The following AGBL4 variants were observed in gnomAD, a reference collection of about 807,000 sequenced individuals.
AGBL4 encodes AGBL carboxypeptidase 4.
AGBL4 carries 58 observed loss-of-function variants against 66.4 expected under a neutral mutation model. The ratio of observed to expected loss-of-function variants is 0.87; its 90% confidence interval spans 0.71 to 1.09. The LOEUF is 1.09. Among genes scored for constraint, AGBL4 ranks in the 50% least tolerant of loss-of-function variants. The pLI is 0.00. For missense variants in AGBL4, 579 were observed against 631.0 expected, an observed-to-expected ratio of 0.92 and a Z score of 0.88; for synonymous variants, 234 against 222.9, an observed-to-expected ratio of 1.05 and a Z score of -0.44.
At chr1:49,815,751 T>C (rs1223938592) in intron 2 of AGBL4, among the ~76,000 whole-genome samples, 1 of 152,188 alleles carries the variant, frequency 6.6e-6, no homozygotes, top group African/African-American at 2.4e-5. Flanking sequence ...TTGCTTTGCA[T>C]TTCTCTGATG....
intron 4 of AGBL4, among the ~76,000 whole-genome samples, chr1:49,106,860 A>G (rs1645302157): frequency 1.3e-5 from 2 of 152,196 alleles, no homozygotes; most frequent in Non-Finnish European, 2.9e-5. Flanking sequence ...AACCAAGAAC[A>G]ACTTTACTAG....
intron 3 of AGBL4, among the ~76,000 whole-genome samples, chr1:49,529,981 G>C (rs77641673): frequency 0.018 from 2,767 of 151,868 alleles, 48 homozygotes; most frequent in Non-Finnish European, 0.031. Context: ...GGAAAACAGG[G>C]TTAGGTCATC....
chr1:49,466,289 C>G (rs906096469), intron 3 of AGBL4, among the ~76,000 whole-genome samples: 7 of 151,844 alleles, frequency 4.6e-5, no homozygotes, highest in Non-Finnish European at 7.4e-5. Flanking sequence ...ATAGGCAGTA[C>G]AGAAAACAGA....
At chr1:49,534,708 C>T (rs143694100) in intron 3 of AGBL4, among the ~76,000 whole-genome samples, 1 of 152,204 alleles carries the variant, frequency 6.6e-6, no homozygotes, top group Non-Finnish European at 1.5e-5. Context: ...AGAGGAGGCT[C>T]TTGCAAGGGT....
At chr1:49,360,508 CATG>C (rs1644114950) in intron 3 of AGBL4, among the ~76,000 whole-genome samples, 1 of 152,102 alleles carries the variant, frequency 6.6e-6, no homozygotes, top group South Asian at 2.1e-4. Flanking sequence ...GTCCTAAGCA[CATG>C]ATATTTCTGA....
intron 3 of AGBL4, among the ~76,000 whole-genome samples, chr1:49,362,472 A>AAG (rs1644160129): frequency 7.4e-6 from 1 of 134,300 alleles, no homozygotes. Context: ...AAAAAAAAAA[A>AAG]AGAGAGAATC....
At chr1:49,789,114 A>G (rs916882274) in intron 2 of AGBL4, among the ~76,000 whole-genome samples, 1 of 152,104 alleles carries the variant, frequency 6.6e-6, no homozygotes, top group African/African-American at 2.4e-5. Flanking sequence ...GGTTTTTGTC[A>G]TTGGTTCTGT....
chr1:49,618,812 C>T (rs1344150012), intron 3 of AGBL4, among the ~76,000 whole-genome samples: 2 of 152,196 alleles, frequency 1.3e-5, no homozygotes, highest in African/African-American at 4.8e-5. Flanking sequence ...AAGGCTGGTT[C>T]AACGTATGCA....
chr1:48,569,837 T>C (rs1644531426), intron 11 of AGBL4, among the ~76,000 whole-genome samples: 1 of 152,088 alleles, frequency 6.6e-6, no homozygotes, highest in South Asian at 2.1e-4. Context: ...ATAATGCCAC[T>C]CTTTTGGGGT....
chr1:49,927,907 G>A (rs1272336091), intron 1 of AGBL4, among the ~76,000 whole-genome samples: 1 of 152,120 alleles, frequency 6.6e-6, no homozygotes, highest in Admixed American at 6.5e-5. Flanking sequence ...AGAATTAAAA[G>A]AAATGATAAA....
At chr1:49,561,263 T>C (rs951529081) in intron 3 of AGBL4, among the ~76,000 whole-genome samples, 1 of 151,822 alleles carries the variant, frequency 6.6e-6, no homozygotes, top group African/African-American at 2.4e-5. Context: ...AAAAATTGTA[T>C]ATTTTTTGCT....
chr1:49,192,229 A>G (rs564185773), intron 4 of AGBL4, among the ~76,000 whole-genome samples: 24 of 152,178 alleles, frequency 1.6e-4, no homozygotes, highest in African/African-American at 5.1e-4. Context: ...TATTTTTTAT[A>G]AATTTGCTTA....
chr1:49,867,709 G>A (rs1361401749), intron 1 of AGBL4, among the ~76,000 whole-genome samples: 1 of 152,000 alleles, frequency 6.6e-6, no homozygotes, highest in East Asian at 1.9e-4. Flanking sequence ...CCTTGCAAGA[G>A]GTCCTGAAGG....
At chr1:49,265,859 A>G (rs1383845359) in intron 3 of AGBL4, among the ~76,000 whole-genome samples, 8 of 152,178 alleles carry the variant, frequency 5.3e-5, no homozygotes, top group Non-Finnish European at 1.0e-4. Flanking sequence ...GTATACATAT[A>G]TGTGCATGTA....
chr1:49,216,232 A>C (rs1238385821), intron 4 of AGBL4, among the ~76,000 whole-genome samples: 2 of 152,110 alleles, frequency 1.3e-5, no homozygotes. Context: ...CTGCAAAGAC[A>C]AAAGCTTTTA....
intron 3 of AGBL4, among the ~76,000 whole-genome samples, chr1:49,619,475 C>T (rs1645314737): frequency 2.0e-5 from 3 of 152,038 alleles, no homozygotes; most frequent in African/African-American, 7.2e-5. Flanking sequence ...AGAGAGGACA[C>T]AATCAAATGG....
chr1:49,513,874 G>A (rs1412069207), intron 3 of AGBL4, among the ~76,000 whole-genome samples: 1 of 151,924 alleles, frequency 6.6e-6, no homozygotes. Flanking sequence ...ACACTGTGGT[G>A]GGCATAAGCA....
At chr1:48,922,449 C>T (rs1445908446) in intron 5 of AGBL4, among the ~76,000 whole-genome samples, 1 of 152,198 alleles carries the variant, frequency 6.6e-6, no homozygotes, top group African/African-American at 2.4e-5. Flanking sequence ...CACCCCATCT[C>T]TGTCTGGTCT....
At chr1:48,541,615 C>A (rs572208220) in intron 11 of AGBL4, among the ~76,000 whole-genome samples, 98 of 152,050 alleles carry the variant, frequency 6.4e-4, no homozygotes, top group Admixed American at 2.0e-3. Context: ...CTACTAAATA[C>A]AAAATTAGTT....
Sources: gnomAD v4.1 joint callset for allele counts (sites outside exome capture counted in the v4.1 genomes callset) on GRCh38, gnomAD v4.1.1 for gene constraint, MANE v1.5 for transcripts, NCBI Gene and HGNC (gene_info 2026-07-23, HGNC 2026-07-21) for gene names.